FREM3: variants seen among roughly 807,000 people sequenced by gnomAD.
FREM3 encodes FRAS1-related extracellular matrix protein 3.
FREM3 carries 105 observed loss-of-function variants against 129.1 expected under a neutral mutation model. The observed-to-expected ratio is 0.81, with a 90% CI of 0.69 to 0.96. The LOEUF (loss-of-function observed/expected upper bound fraction) is 0.96, where lower values mean the gene tolerates loss of function less well. Among genes scored for constraint, FREM3 ranks in the 40% least tolerant of loss-of-function variants. The pLI is 0.00. For synonymous variants in FREM3, 1,014 were observed against 1,044.9 expected (o/e 0.97, Z 0.57); for missense variants, 2,593 against 2,666.3 (o/e 0.97, Z 0.61).
intron 6 of FREM3, among the ~76,000 whole-genome samples, chr4:143,605,444 T>C (rs1435082134): frequency 6.6e-6 from 1 of 152,192 alleles, no homozygotes; most frequent in African/African-American, 2.4e-5. Flanking sequence ...GATGGCTTTG[T>C]TGTTCATACA....
At chr4:143,670,062 C>T (rs72940254) in intron 2 of FREM3, among the ~76,000 whole-genome samples, 11,058 of 152,116 alleles carry the variant, frequency 0.073, 1,069 homozygotes, top group African/African-American at 0.21. Flanking sequence ...ATTTTGTGAT[C>T]TTCCTGTCCT....
intron 5 of FREM3, among the ~76,000 whole-genome samples, chr4:143,620,510 GA>G (rs2149841219): frequency 6.6e-6 from 1 of 152,298 alleles, no homozygotes; most frequent in East Asian, 1.9e-4. Context: ...TGGCTGTATA[GA>G]AGTGGTCAAA....
chr4:143,663,014 T>G (rs929136510), intron 2 of FREM3, among the ~76,000 whole-genome samples: 14 of 152,146 alleles, frequency 9.2e-5, no homozygotes, highest in Non-Finnish European at 1.6e-4. Flanking sequence ...TACAGCACAC[T>G]GATGGGTCTT....
chr4:143,592,447 A>T (rs1738382964), intron 6 of FREM3, among the ~76,000 whole-genome samples: 3 of 152,156 alleles, frequency 2.0e-5, no homozygotes, highest in Admixed American at 2.0e-4. Context: ...TGGTGACAAA[A>T]TCTCTCAGCA....
intron 7 of FREM3, among the ~76,000 whole-genome samples, chr4:143,580,603 G>A (rs1738112775): frequency 6.6e-6 from 1 of 152,158 alleles, no homozygotes; most frequent in African/African-American, 2.4e-5. Context: ...AATTCACAGA[G>A]CTGAAGAGCA....
At chr4:143,649,825 T>C (rs1739479768) in intron 2 of FREM3, among the ~76,000 whole-genome samples, 1 of 152,224 alleles carries the variant, frequency 6.6e-6, no homozygotes, top group African/African-American at 2.4e-5. Context: ...ACACACTGGT[T>C]AGCACCTTCT....
chr4:143,624,743 G>A (rs538696558), intron 3 of FREM3, among the ~76,000 whole-genome samples: 3 of 152,058 alleles, frequency 2.0e-5, no homozygotes, highest in Non-Finnish European at 2.9e-5. Flanking sequence ...TGGCGGTAGA[G>A]ATCTTTGACC....
chr4:143,657,676 G>T (rs147619499), intron 2 of FREM3, among the ~76,000 whole-genome samples: 32 of 152,216 alleles, frequency 2.1e-4, no homozygotes, highest in African/African-American at 7.0e-4. Flanking sequence ...TTTTATTAGT[G>T]CTTCATCACA....
intron 1 of FREM3, among the ~76,000 whole-genome samples, chr4:143,694,904 G>A (rs546024715): frequency 1.3e-5 from 2 of 152,306 alleles, no homozygotes; most frequent in South Asian, 4.1e-4. Flanking sequence ...AAAAGCCAGT[G>A]GGTATCACAT....
At chr4:143,592,791 G>T (rs934618006) in intron 6 of FREM3, among the ~76,000 whole-genome samples, 4 of 152,178 alleles carry the variant, frequency 2.6e-5, no homozygotes, top group African/African-American at 4.8e-5. Flanking sequence ...GGCCTGCCTT[G>T]CTAGATTGGG....
intron 2 of FREM3, among the ~76,000 whole-genome samples, chr4:143,631,580 C>T (rs1191214562): frequency 1.3e-5 from 2 of 152,058 alleles, no homozygotes; most frequent in Non-Finnish European, 1.5e-5. Flanking sequence ...TCAGGATTCT[C>T]TAATCCAACT....
intron 1 of FREM3, among the ~76,000 whole-genome samples, chr4:143,694,267 A>G (rs1484047785): frequency 2.0e-5 from 3 of 152,194 alleles, no homozygotes; most frequent in East Asian, 3.8e-4. Context: ...CTGGCCCTCT[A>G]TGGAGAGCCA....
chr4:143,598,755 C>A (rs1738523901), intron 6 of FREM3, among the ~76,000 whole-genome samples: 1 of 152,132 alleles, frequency 6.6e-6, no homozygotes, highest in South Asian at 2.1e-4. Flanking sequence ...TATACCTTTT[C>A]TATTTTAGAT....
chr4:143,588,920 T>C (rs1738299781), intron 6 of FREM3, among the ~76,000 whole-genome samples: 1 of 151,574 alleles, frequency 6.6e-6, no homozygotes, highest in Non-Finnish European at 1.5e-5. Context: ...TTCCTGACTT[T>C]TTAATGATCA....
chr4:143,625,324 T>C (rs1363631145), intron 3 of FREM3, among the ~76,000 whole-genome samples: 2 of 152,162 alleles, frequency 1.3e-5, no homozygotes, highest in Non-Finnish European at 2.9e-5. Flanking sequence ...AAATCAAATA[T>C]GGTAACCTGA....
At chr4:143,661,258 A>G (rs1351485615) in intron 2 of FREM3, among the ~76,000 whole-genome samples, 1 of 152,220 alleles carries the variant, frequency 6.6e-6, no homozygotes, top group Non-Finnish European at 1.5e-5. Flanking sequence ...GATACGTCCC[A>G]TCAATACCTA....
intron 7 of FREM3, among the ~76,000 whole-genome samples, chr4:143,579,988 T>A (rs1738103238): frequency 6.6e-6 from 1 of 152,170 alleles, no homozygotes; most frequent in Non-Finnish European, 1.5e-5. Flanking sequence ...GAATCTAAAT[T>A]TCTCTTTCAA....
At chr4:143,615,337 T>C (rs1233082049) in intron 5 of FREM3, among the ~76,000 whole-genome samples, 1 of 152,246 alleles carries the variant, frequency 6.6e-6, no homozygotes, top group Non-Finnish European at 1.5e-5. Context: ...CACACAATTT[T>C]CTTTTAATAT....
chr4:143,660,855 G>A (rs971409638), intron 2 of FREM3, among the ~76,000 whole-genome samples: 2 of 152,136 alleles, frequency 1.3e-5, no homozygotes, highest in Non-Finnish European at 2.9e-5. Context: ...AATTGTGAAT[G>A]GGAGTTCACT....
Sources: gnomAD v4.1 joint callset for allele counts (sites outside exome capture counted in the v4.1 genomes callset) on GRCh38, gnomAD v4.1.1 for gene constraint, MANE v1.5 for transcripts, NCBI Gene and HGNC (gene_info 2026-07-23, HGNC 2026-07-21) for gene names.